Variants in SNX29 observed in about 807,000 individuals in gnomAD.
The protein encoded by SNX29 is sorting nexin 29.
SNX29 carries 78 observed loss-of-function variants against 102.1 expected under a neutral mutation model. The observed-to-expected ratio is 0.76, with a 90% CI of 0.64 to 0.92. SNX29 has a LOEUF of 0.92. Among genes scored for constraint, SNX29 ranks in the 40% least tolerant of loss-of-function variants. SNX29 has a pLI of 0.00. For missense variants in SNX29, 1,280 were observed against 1,061.7 expected (o/e 1.21, Z -2.86); for synonymous variants, 580 against 414.5 (o/e 1.40, Z -4.85).
intron 20 of SNX29, among the ~76,000 whole-genome samples, chr16:12,552,068 C>T (rs79898024): frequency 6.6e-6 from 1 of 151,660 alleles, no homozygotes. Context: ...CACTGAATCT[C>T]TGTCTCAATC....
chr16:12,032,202 T>G (rs923541370), intron 4 of SNX29, among the ~76,000 whole-genome samples: 2 of 143,378 alleles, frequency 1.4e-5, no homozygotes, highest in African/African-American at 5.5e-5. Flanking sequence ...TTCTTCTTCT[T>G]CTTTTTTTTT....
chr16:11,976,968 G>C, intron 1 of SNX29, 155 bp downstream of exon 1: 1 of 1,010,172 alleles, frequency 9.9e-7, no homozygotes, highest in Non-Finnish European at 1.3e-6. Flanking sequence ...CAGGACTCCC[G>C]GCTCGTGGCC....
chr16:12,541,686 T>A (rs947679395), intron 20 of SNX29, among the ~76,000 whole-genome samples: 1 of 152,146 alleles, frequency 6.6e-6, no homozygotes, highest in Non-Finnish European at 1.5e-5. Context: ...CGTTTACCAC[T>A]ACCCTGGGGC....
At chr16:12,568,304 T>TAAA (rs34750195) in intron 20 of SNX29, among the ~76,000 whole-genome samples, 1,698 of 146,372 alleles carry the variant, frequency 0.012, 15 homozygotes, top group Non-Finnish European at 0.016. Context: ...GGAGTGCTGT[T>TAAA]AAAAAAAAAA....
In SNX29 at chr16:12,099,656, C is replaced by T. The variant is rs79471735; in HGVS notation, c.1402+20741C>T. The stretch of plus-strand genomic sequence containing the variant: ...AGCCCAGTTCTGACCATGCCCTCTA[C>T]CCTTTTGTATTCAGACTCCCACCAG... On this transcript the variant is annotated intron_variant, in intron 11 of 20. Transcript: ENST00000566228. Among the ~76,000 whole-genome samples, 431 of 152,270 alleles carry T rather than the reference C, an allele frequency of 2.8e-3. 2 individuals carry two copies. The highest frequency in any genetic ancestry group is 0.01 in the African/African-American group (417 of 41,544).
At chr16:12,244,635 C>G (rs1037685230) in intron 14 of SNX29, among the ~76,000 whole-genome samples, 1 of 152,068 alleles carries the variant, frequency 6.6e-6, no homozygotes, top group Non-Finnish European at 1.5e-5. Flanking sequence ...TCCAAATCAC[C>G]TATGCAGAAT....
chr16:12,251,969 C>G (rs1331342824), intron 14 of SNX29, among the ~76,000 whole-genome samples: 3 of 152,114 alleles, frequency 2.0e-5, no homozygotes, highest in Admixed American at 2.0e-4. Flanking sequence ...CTATGTTGCT[C>G]AGGCTGGTGT....
At chr16:12,479,082 C>T (rs928178298) in intron 19 of SNX29, among the ~76,000 whole-genome samples, 2 of 152,196 alleles carry the variant, frequency 1.3e-5, no homozygotes, top group African/African-American at 4.8e-5. Flanking sequence ...GCAGCAGGAG[C>T]CCTTGGGAGC....
chr16:12,537,433 G>C (rs1487463714), intron 20 of SNX29, among the ~76,000 whole-genome samples: 2 of 152,204 alleles, frequency 1.3e-5, no homozygotes. Context: ...CAACTACATA[G>C]CAGCCTTGTG....
At chr16:12,560,135 T>C (rs115425249) in intron 20 of SNX29, among the ~76,000 whole-genome samples, 5,039 of 134,734 alleles carry the variant, frequency 0.037, no homozygotes, top group African/African-American at 0.045. Flanking sequence ...TGTGTTCCCC[T>C]CCCCCCCCCA....
rs560141145 is a variant in SNX29 at position 12,552,823 on chromosome 16, G to C, written c.2319-15683G>C. Among the ~76,000 whole-genome samples the C allele has an allele frequency of 1.6e-3, 248 of 152,322 alleles. 1 individual carries two copies. Among genetic ancestry groups the C allele is most frequent in the African/African-American group, 5.9e-3 (245 of 41,576 alleles). On this transcript the variant is annotated intron_variant, in intron 20 of 20. Coordinates refer to ENST00000566228, the MANE Select transcript of SNX29 (RefSeq NM_032167.5). ...TGGAGGAGAGAACAGCCAACAGTGT[G>C]ACACCTGACCTGCCAGAGAGGAGAG...
At chr16:12,140,076 A>T (rs768169603) in intron 13 of SNX29, among the ~76,000 whole-genome samples, 1 of 151,988 alleles carries the variant, frequency 6.6e-6, no homozygotes, top group Non-Finnish European at 1.5e-5. Flanking sequence ...TAAGAAAAAG[A>T]GCAGTTGATT....
chr16:12,509,105 A>G (rs2151912943), intron 19 of SNX29, among the ~76,000 whole-genome samples: 1 of 152,216 alleles, frequency 6.6e-6, no homozygotes, highest in African/African-American at 2.4e-5. Context: ...TGAAGAATTT[A>G]TGCTGGTTGT....
At chr16:12,337,977 C>T (rs1388583359) in intron 15 of SNX29, among the ~76,000 whole-genome samples, 1 of 152,132 alleles carries the variant, frequency 6.6e-6, no homozygotes, top group African/African-American at 2.4e-5. Context: ...GTGCTGCGGT[C>T]TTTGGGTTGA....
Position 12,569,330 on chromosome 16 carries a change from C to A in SNX29, c.*701C>A, listed in dbSNP as rs182499910. ...CAGGAAGGACCAGTGCCCTCCATAGCCTGAGGCCACCTAGGCCCTCGCCAG... is the reference window on the plus strand; with the variant it reads ...CAGGAAGGACCAGTGCCCTCCATAGACTGAGGCCACCTAGGCCCTCGCCAG... On this transcript the variant is annotated 3_prime_UTR_variant, in exon 21 of 21. Coordinates refer to ENST00000566228, the MANE Select transcript of SNX29 (RefSeq NM_032167.5). The A allele has an allele frequency of 8.7e-6, 2 of 229,910 alleles. No homozygotes were observed. The highest frequency in any genetic ancestry group is 6.2e-5 in the East Asian group (1 of 16,174). The allele number at this position is 229,910 out of a possible 1,614,324, so 14.2% of individuals were successfully genotyped here.
At chr16:12,403,649 A>G (rs1024598841) in intron 18 of SNX29, 120 bp downstream of exon 18, 42 of 936,154 alleles carry the variant, frequency 4.5e-5, no homozygotes, top group South Asian at 1.3e-4. Flanking sequence ...ATGGCCTTCC[A>G]GACACCCACA....
At chr16:12,284,141 A>T (rs959585350) in intron 15 of SNX29, among the ~76,000 whole-genome samples, 2 of 152,194 alleles carry the variant, frequency 1.3e-5, no homozygotes, top group Non-Finnish European at 1.5e-5. Flanking sequence ...AACAATGTGA[A>T]GTGTTGGCGA....
At chr16:12,336,235 G>C (rs2081445407) in intron 15 of SNX29, among the ~76,000 whole-genome samples, 1 of 152,198 alleles carries the variant, frequency 6.6e-6, no homozygotes. Context: ...AGAAAGCTTT[G>C]GTTTGGCGCT....
At position 12,570,423 on chromosome 16, in the gene SNX29, A is replaced by G. The variant is rs774561254; in HGVS notation, c.*1794A>G. ...TGCACATCAGCTCACATGACTGGCA[A>G]CTCTAAATAGAGAGCCCTAATGGAC... On this transcript the variant is annotated 3_prime_UTR_variant, in exon 21 of 21. Coordinates refer to ENST00000566228, the MANE Select transcript of SNX29 (RefSeq NM_032167.5). The G allele has an allele frequency of 7.8e-6, 2 of 255,154 alleles. No homozygotes were observed. Among genetic ancestry groups the G allele is most frequent in the Non-Finnish European group, 1.4e-5 (2 of 138,406 alleles). The allele number at this position is 255,154 out of a possible 1,614,324, so 15.8% of individuals were successfully genotyped here. A position where few individuals can be genotyped will look rare whatever the true frequency, so the allele number is the denominator to read the frequency against.
Sources: gnomAD v4.1 joint callset for allele counts (sites outside exome capture counted in the v4.1 genomes callset) on GRCh38, gnomAD v4.1.1 for gene constraint, MANE v1.5 for transcripts, NCBI Gene and HGNC (gene_info 2026-07-23, HGNC 2026-07-21) for gene names.